The following CNGA1 variants were observed in gnomAD, a reference collection of about 807,000 sequenced individuals.
CNGA1 encodes cyclic nucleotide-gated channel alpha-1.
CNGA1 carries 53 observed loss-of-function variants against 69.7 expected under a neutral mutation model. The observed-to-expected ratio is 0.76, with a 90% CI of 0.61 to 0.96. The LOEUF (loss-of-function observed/expected upper bound fraction) is 0.96, where lower values mean the gene tolerates loss of function less well. Among genes scored for constraint, CNGA1 ranks in the 40% least tolerant of loss-of-function variants. The pLI is 0.00. For synonymous variants in CNGA1, 249 were observed against 283.5 expected (o/e 0.88, Z 1.22); for missense variants, 739 against 811.2 (o/e 0.91, Z 1.08).
rs370864902 is a variant in CNGA1, at chr4:48,004,328, C to A, written c.-123+6466G>T. ...TGGCATTCAGGGCCACTACCGGTCT[C>A]CGCGTCTTTGTGGTAGTGGTCCCCC... On this transcript the variant is annotated intron_variant, in intron 2 of 10. Coordinates refer to ENST00000514170, the MANE Select transcript of CNGA1 (RefSeq NM_001379270.1). Among the ~76,000 whole-genome samples the A allele has an allele frequency of 2.7e-3, 406 of 152,240 alleles. 2 individuals are homozygous for A. The highest frequency in any genetic ancestry group is 0.014 in the Middle Eastern group (4 of 294).
At chr4:47,955,492 A>AT (rs1011200732) in intron 3 of CNGA1, among the ~76,000 whole-genome samples, 21 of 151,888 alleles carry the variant, frequency 1.4e-4, no homozygotes, top group Non-Finnish European at 4.4e-5. Context: ...CCATATAACA[A>AT]TTTTTTTAAT....
In CNGA1 at chr4:47,936,808, C is replaced by T. The variant is rs1180507153; in HGVS notation, c.1674G>A (p.Thr558=). 15 of 1,613,926 alleles carry T rather than the reference C, an allele frequency of 9.3e-6. No homozygotes were observed. The highest frequency in any genetic ancestry group is 1.2e-5 in the Non-Finnish European group (14 of 1,180,028). Residue 558 remains threonine (T), a synonymous_variant, in exon 11 of 11, where the codon ACG becomes ACA. Transcript: ENST00000514170. ...AGTAGCCAATACTTTTAATATTGGC[C>T]GTTCTTCGATTGCCAGCTTTGCTCC... is the stretch of plus-strand genomic sequence containing the variant. ...IKGSKAGNRR[T]ANIKSIGYSD...
At chr4:47,979,824 A>AATT (rs1414185468) in intron 3 of CNGA1, among the ~76,000 whole-genome samples, 3 of 152,138 alleles carry the variant, frequency 2.0e-5, no homozygotes, top group Non-Finnish European at 2.9e-5. Flanking sequence ...TAACTTAAAA[A>AATT]ATTACCTCCA....
intron 2 of CNGA1, among the ~76,000 whole-genome samples, chr4:48,003,989 C>G (rs1372548602): frequency 6.6e-6 from 1 of 152,216 alleles, no homozygotes; most frequent in Non-Finnish European, 1.5e-5. Context: ...TATCCAGAGG[C>G]CTAACCATCT....
chr4:47,946,611 G>A (rs1739410288), intron 6 of CNGA1, among the ~76,000 whole-genome samples: 1 of 152,120 alleles, frequency 6.6e-6, no homozygotes, highest in African/African-American at 2.4e-5. Context: ...ACCTAACCAT[G>A]GGACATAAAA....
At chr4:47,971,206 T>A in intron 3 of CNGA1, 4 of 355,228 alleles carry the variant, frequency 1.1e-5, no homozygotes, top group South Asian at 4.5e-5. Flanking sequence ...GTGCTGTGCG[T>A]AAAGGAGTGG....
chr4:47,944,978 T>A (rs762650502), intron 6 of CNGA1, among the ~76,000 whole-genome samples: 4 of 152,058 alleles, frequency 2.6e-5, no homozygotes, highest in Non-Finnish European at 5.9e-5. Flanking sequence ...GGGAAGCCTG[T>A]TAGCTAGTTA....
chr4:48,010,991 G>T (rs1274050985), intron 1 of CNGA1, 98 bp from the exon 2 acceptor site: 1 of 152,370 alleles, frequency 6.6e-6, no homozygotes, highest in African/African-American at 2.4e-5. Flanking sequence ...GGACCCAAAG[G>T]GGGTTGCCAT....
intron 3 of CNGA1, among the ~76,000 whole-genome samples, chr4:47,972,490 A>G (rs868518593): frequency 6.6e-6 from 1 of 152,168 alleles, no homozygotes; most frequent in Middle Eastern, 3.2e-3. Flanking sequence ...TGCTAGACCT[A>G]TGGAAGTAGA....
At chr4:47,971,333 A>G (rs1179715569) in intron 3 of CNGA1, among the ~76,000 whole-genome samples, 3 of 151,982 alleles carry the variant, frequency 2.0e-5, no homozygotes, top group Non-Finnish European at 4.4e-5. Flanking sequence ...CACTGTATAT[A>G]TTTTATACAT....
At chr4:47,970,259 G>A (rs562500384) in intron 3 of CNGA1, among the ~76,000 whole-genome samples, 1 of 152,102 alleles carries the variant, frequency 6.6e-6, no homozygotes, top group Non-Finnish European at 1.5e-5. Flanking sequence ...ACTTAACGTT[G>A]AAGAACACAG....
rs546088917 is a variant in CNGA1 at position 47,942,517 on chromosome 4, C to A, written c.438-369G>T. Reference sequence around the variant, plus strand: ...TTTTACTAAAGCCCTGGTTTCACTGCGATGCTGCAGTCAGTTGTATACCTC... The same window carrying A: ...TTTTACTAAAGCCCTGGTTTCACTGAGATGCTGCAGTCAGTTGTATACCTC... On this transcript the variant is annotated intron_variant, in intron 8 of 10. Transcript: ENST00000514170. 3.9e-5 allele frequency among the ~76,000 whole-genome samples: 6 copies of A among 152,200 alleles called. 1 individual carries two copies. The South Asian group carries it at 1.2e-3, about 32-fold the overall frequency.
chr4:47,971,614 A>G (rs1449715205), intron 3 of CNGA1, among the ~76,000 whole-genome samples: 1 of 152,166 alleles, frequency 6.6e-6, no homozygotes, highest in Admixed American at 6.5e-5. Flanking sequence ...AACCGTGGCC[A>G]GGCACGGTGG....
At chr4:48,007,354 T>G (rs1362254513) in intron 2 of CNGA1, among the ~76,000 whole-genome samples, 2 of 152,198 alleles carry the variant, frequency 1.3e-5, no homozygotes, top group Non-Finnish European at 2.9e-5. Flanking sequence ...ATAGAGAAAT[T>G]GAACTTATTT....
At chr4:47,974,077 T>C (rs1483363040) in intron 3 of CNGA1, among the ~76,000 whole-genome samples, 2 of 76,436 alleles carry the variant, frequency 2.6e-5, no homozygotes, top group Non-Finnish European at 6.1e-5. Context: ...TCTAGATAGA[T>C]AGATAGATAG....
intron 10 of CNGA1, among the ~76,000 whole-genome samples, chr4:47,940,305 T>C (rs1263233895): frequency 6.6e-6 from 1 of 152,248 alleles, no homozygotes; most frequent in Non-Finnish European, 1.5e-5. Flanking sequence ...CTTCAGAAGC[T>C]ATCCCCTCTG....
intron 3 of CNGA1, among the ~76,000 whole-genome samples, chr4:47,966,886 A>C (rs1039500084): frequency 6.6e-6 from 1 of 152,222 alleles, no homozygotes; most frequent in African/African-American, 2.4e-5. Context: ...CAAATGTAGA[A>C]ATGCAGAAAT....
chr4:47,976,326 TATATATATATAC>T, intron 3 of CNGA1, among the ~76,000 whole-genome samples: 1 of 25,446 alleles, frequency 3.9e-5, no homozygotes, highest in Non-Finnish European at 1.2e-4. Flanking sequence ...TATATATGTA[TATATATATATAC>T]ACATATATAT....
At chr4:47,952,948 G>C (rs998146673) in intron 3 of CNGA1, 8 of 238,340 alleles carry the variant, frequency 3.4e-5, no homozygotes, top group African/African-American at 1.8e-4. Context: ...GCAGGCAAGA[G>C]AGCTTGTGCA....
Sources: gnomAD v4.1 joint callset for allele counts (sites outside exome capture counted in the v4.1 genomes callset) on GRCh38, gnomAD v4.1.1 for gene constraint, MANE v1.5 for transcripts, NCBI Gene and HGNC (gene_info 2026-07-23, HGNC 2026-07-21) for gene names.